The following CD300LB variants were observed in gnomAD, a reference collection of about 807,000 sequenced individuals.
The protein encoded by CD300LB is CD300 molecule like family member b.
A neutral mutation model predicts 20.8 loss-of-function variants in CD300LB; 18 were observed. That is an observed-to-expected ratio of 0.87 (90% CI 0.60 to 1.28). CD300LB has a LOEUF of 1.28. Among genes scored for constraint, CD300LB ranks in the 50% most tolerant of loss-of-function variants. CD300LB has a pLI of 0.00. For missense variants in CD300LB, 222 were observed against 251.8 expected (o/e 0.88, Z 0.80); for synonymous variants, 91 against 91.3 (o/e 1.00, Z 0.02).
chr17:74,527,859 C>T (rs1401343363), intron 1 of CD300LB, among the ~76,000 whole-genome samples: 1 of 152,206 alleles, frequency 6.6e-6, no homozygotes, highest in African/African-American at 2.4e-5. Flanking sequence ...CCGGACCTTA[C>T]AGCAGGAGGT....
In CD300LB at chr17:74,526,037, T is replaced by C; in HGVS notation, c.81A>G (p.Pro27=). The C allele has an allele frequency of 6.2e-7, 1 of 1,614,078 alleles. No homozygotes were observed. Among genetic ancestry groups the C allele is most frequent in the Non-Finnish European group, 8.5e-7 (1 of 1,179,948 alleles). ...ATTGAACCGTCAGGGACCCCTGCTC[T>C]GGGGCTCTCACAGACTCTGGGCCTT... The part of the protein sequence containing the change: ...SIQGPESVRA[P]EQGSLTVQCH... The change falls in exon 2 of 4, where the codon CCA becomes CCG. Residue 27 remains proline, a synonymous_variant. Transcript: ENST00000392621.
chr17:74,522,949 G>A (rs186601436), intron 3 of CD300LB, 49 bp from the exon 4 acceptor site: 3 of 1,564,814 alleles, frequency 1.9e-6, no homozygotes, highest in African/African-American at 2.7e-5. Flanking sequence ...CCCAGGCCAT[G>A]TCACTCCCAT....
chr17:74,524,132 G>C (rs1341703345), intron 2 of CD300LB, among the ~76,000 whole-genome samples: 1 of 152,218 alleles, frequency 6.6e-6, no homozygotes, highest in African/African-American at 2.4e-5. Flanking sequence ...GTTAACTAGA[G>C]AACATCGACT....
At chr17:74,524,977 C>A (rs1463356874) in intron 2 of CD300LB, among the ~76,000 whole-genome samples, 1 of 152,210 alleles carries the variant, frequency 6.6e-6, no homozygotes, top group African/African-American at 2.4e-5. Flanking sequence ...CCCAACAGTA[C>A]ACAGGCTTGT....
Position 74,521,697 on chromosome 17 carries a change from G to A in CD300LB, c.*1041C>T, listed in dbSNP as rs1481258745. On this transcript the variant is annotated 3_prime_UTR_variant, in exon 4 of 4. Transcript: ENST00000392621. ...ATGGGTGTTCAAAGGGCAACATGCC[G>A]AACATGTGTGGTGTGTTTGCTTGTG... 4 of 985,386 alleles carry A rather than the reference G, an allele frequency of 4.1e-6. No individual in the cohort carries two copies. The African/African-American group carries it at 5.2e-5, about 13-fold the overall frequency. The allele number at this position is 985,386 out of a possible 1,614,324, so 61.0% of individuals were successfully genotyped here. A position where few individuals can be genotyped will look rare whatever the true frequency, so the allele number is the denominator to read the frequency against.
At chr17:74,522,955 C>T (rs1173199550) in intron 3 of CD300LB, 55 bp from the exon 4 acceptor site, 1 of 1,540,784 alleles carries the variant, frequency 6.5e-7, no homozygotes, top group Non-Finnish European at 8.8e-7. Flanking sequence ...CCATGTCACT[C>T]CCATCCCCTG....
rs376819541 is a variant in CD300LB at position 74,522,813 on chromosome 17, C to T, written c.531G>A (p.Arg177=). The change falls in exon 4 of 4, where the codon AGG becomes AGA. Residue 177 remains arginine (R), a synonymous_variant. Coordinates refer to ENST00000392621, the MANE Select transcript of CD300LB (RefSeq NM_174892.4). ...TAILWLKGSQ[R]VPEEPGEQPI... The stretch of plus-strand genomic sequence containing the variant: ...GCTGTTCCCCTGGCTCCTCAGGGAC[C>T]CTCTGAGACCCCTTCAACCAGAGGA... 82 of 1,613,966 alleles carry T rather than the reference C, an allele frequency of 5.1e-5. No individual in the cohort carries two copies. The highest frequency in any genetic ancestry group is 6.8e-5 in the Non-Finnish European group (80 of 1,180,006).
chr17:74,529,340 C>T (rs1308360188), intron 1 of CD300LB, among the ~76,000 whole-genome samples: 1 of 152,040 alleles, frequency 6.6e-6, no homozygotes, highest in Non-Finnish European at 1.5e-5. Context: ...CCTTCATAAT[C>T]TTGTCTTTTG....
rs1035891873 is a variant in CD300LB at position 74,522,459 on chromosome 17, G to C, written c.*279C>G. 3.5e-6 allele frequency: 4 copies of C among 1,155,904 alleles called. No individual in the cohort carries two copies. The African/African-American group carries it at 6.4e-5, about 18-fold the overall frequency. The allele number at this position is 1,155,904 out of a possible 1,614,324, so 71.6% of individuals were successfully genotyped here. A position where few individuals can be genotyped will look rare whatever the true frequency, so the allele number is the denominator to read the frequency against. ...TCTGTGCCCGAGTTATTCCAGCAGT[G>C]GGGACAGAGTCGTCCAGTGCTTGAG... On this transcript the variant is annotated 3_prime_UTR_variant, in exon 4 of 4. Coordinates refer to ENST00000392621, the MANE Select transcript of CD300LB (RefSeq NM_174892.4).
At chr17:74,524,943 T>C (rs1907986491) in intron 2 of CD300LB, among the ~76,000 whole-genome samples, 1 of 152,194 alleles carries the variant, frequency 6.6e-6, no homozygotes, top group South Asian at 2.1e-4. Flanking sequence ...AGCCACTGTG[T>C]CCATGTGCCT....
chr17:74,528,050 T>TA lies in CD300LB; in HGVS notation c.41-1974dup, dbSNP rs371794364. Among the ~76,000 whole-genome samples the TA allele has an allele frequency of 1.5e-3, 230 of 151,978 alleles. 1 individual carries two copies. Among genetic ancestry groups the TA allele is most frequent in the African/African-American group, 5.1e-3 (212 of 41,442 alleles). On this transcript the variant is annotated intron_variant, in intron 1 of 3. Transcript: ENST00000392621. Reference sequence around the variant, plus strand: ...AGATTGCACACACTTTATGAGACTCTAATGCCTGATGATGTGTCACTGTCT... The same window carrying TA: ...AGATTGCACACACTTTATGAGACTCTAAATGCCTGATGATGTGTCACTGTCT...
intron 2 of CD300LB, among the ~76,000 whole-genome samples, 170 bp downstream of exon 2, chr17:74,525,578 G>C (rs1185798156): frequency 1.3e-5 from 2 of 151,998 alleles, no homozygotes; most frequent in Admixed American, 1.3e-4. Context: ...CTTAGTTTCT[G>C]TCACCTCCTT....
intron 3 of CD300LB, 21 bp from the exon 4 acceptor site, chr17:74,522,921 G>C: frequency 6.2e-7 from 1 of 1,610,262 alleles, no homozygotes; most frequent in South Asian, 1.1e-5. Context: ...GGATGCAGTG[G>C]TCAGAGCCCT....
chr17:74,522,833 A>C lies in CD300LB; in HGVS notation c.511T>G (p.Trp171Gly). 1 of 1,614,106 alleles carries C rather than the reference A, an allele frequency of 6.2e-7. No individual in the cohort carries two copies. The highest frequency in any genetic ancestry group is 8.5e-7 in the Non-Finnish European group (1 of 1,180,012). Residue 171 changes from tryptophan to glycine, a missense_variant, in exon 4 of 4, where the codon TGG (tryptophan) becomes GGG (glycine). Transcript: ENST00000392621. ...ILLILVTAILWLKGSQRVPEE... is the reference protein window; with the variant it reads ...ILLILVTAILGLKGSQRVPEE... ...GGGACCCTCTGAGACCCCTTCAACCAGAGGATGGCAGTGACCAAGATGAGC... is the reference window on the plus strand; with the variant it reads ...GGGACCCTCTGAGACCCCTTCAACCCGAGGATGGCAGTGACCAAGATGAGC...
At chr17:74,529,923 T>C (rs1908150817) in intron 1 of CD300LB, among the ~76,000 whole-genome samples, 1 of 152,250 alleles carries the variant, frequency 6.6e-6, no homozygotes, top group South Asian at 2.1e-4. Flanking sequence ...TCATTCAAAC[T>C]GTAAATGGCT....
At chr17:74,529,901 T>A (rs1346084585) in intron 1 of CD300LB, among the ~76,000 whole-genome samples, 1 of 152,218 alleles carries the variant, frequency 6.6e-6, no homozygotes. Context: ...GTGTCATCAA[T>A]CCCAGCTTCA....
chr17:74,522,811 A>G lies in CD300LB; in HGVS notation c.533T>C (p.Val178Ala). 1 of 1,613,978 alleles carries G rather than the reference A, an allele frequency of 6.2e-7. No homozygotes were observed. Among genetic ancestry groups the G allele is most frequent in the Middle Eastern group, 1.7e-4 (1 of 6,058 alleles). ...AILWLKGSQR[V>A]PEEPGEQPIY... ...AGGCTGTTCCCCTGGCTCCTCAGGGACCCTCTGAGACCCCTTCAACCAGAG... is the reference window on the plus strand; with the variant it reads ...AGGCTGTTCCCCTGGCTCCTCAGGGGCCCTCTGAGACCCCTTCAACCAGAG... The change falls in exon 4 of 4, where the codon GTC (valine) becomes GCC (alanine). Residue 178 changes from valine to alanine, a missense_variant. Transcript: ENST00000392621.
At chr17:74,525,693 G>A (rs1598127489) in intron 2 of CD300LB, 55 bp downstream of exon 2, 1 of 1,516,564 alleles carries the variant, frequency 6.6e-7, no homozygotes, top group Non-Finnish European at 9.0e-7. Context: ...TAAGAGCACT[G>A]ACTTTCCCAG....
rs1403254165 is a variant in CD300LB at position 74,531,337 on chromosome 17, G to C, written c.14C>G (p.Pro5Arg). Residue 5 changes from proline to arginine, a missense_variant, in exon 1 of 4, where the codon CCT becomes CGT. By Grantham distance (103) the Pro-to-Arg change is moderately radical. Coordinates refer to ENST00000392621, the MANE Select transcript of CD300LB (RefSeq NM_174892.4). The stretch of plus-strand genomic sequence containing the variant: ...TGAGAGGCTGAGAAGGAGCAGAGCA[G>C]GGGGCAGCCACATGGCTCTGCCTTC... The part of the protein sequence containing the change: MWLP[P>R]ALLLLSLSGC... 1.2e-6 allele frequency: 2 copies of C among 1,606,842 alleles called. No individual in the cohort carries two copies. The highest frequency in any genetic ancestry group is 1.7e-6 in the Non-Finnish European group (2 of 1,176,392).
Sources: gnomAD v4.1 joint callset for allele counts (sites outside exome capture counted in the v4.1 genomes callset) on GRCh38, gnomAD v4.1.1 for gene constraint, MANE v1.5 for transcripts, NCBI Gene and HGNC (gene_info 2026-07-23, HGNC 2026-07-21) for gene names.